Variants in ESRRB observed in about 807,000 individuals in gnomAD.
ESRRB encodes the protein steroid hormone receptor ERR2.
In ESRRB, 16 loss-of-function variants were observed where a neutral mutation model predicts 46.0. The observed-to-expected ratio is 0.35, with a 90% confidence interval of 0.24 to 0.53. The LOEUF (loss-of-function observed/expected upper bound fraction) is 0.53. Among genes scored for constraint, ESRRB ranks in the 20% least tolerant of loss-of-function variants. ESRRB has a pLI of 0.93. For synonymous variants in ESRRB, 246 were observed against 259.6 expected (o/e 0.95, Z 0.50); for missense variants, 488 against 607.4 (o/e 0.80, Z 2.07).
intron 1 of ESRRB, among the ~76,000 whole-genome samples, chr14:76,382,262 T>C (rs1420420410): frequency 6.6e-6 from 1 of 152,222 alleles, no homozygotes; most frequent in Non-Finnish European, 1.5e-5. Context: ...CTATACCCCT[T>C]GGCTGGGCTG....
chr14:76,486,217 A>G (rs959005120), intron 5 of ESRRB, among the ~76,000 whole-genome samples: 6 of 152,162 alleles, frequency 3.9e-5, no homozygotes. Context: ...AGCCTCCTCC[A>G]AATGACCCGA....
At chr14:76,457,403 C>T (rs1205003079) in intron 2 of ESRRB, among the ~76,000 whole-genome samples, 1 of 151,962 alleles carries the variant, frequency 6.6e-6, no homozygotes, top group African/African-American at 2.4e-5. Context: ...CCCAGGATGG[C>T]TTTGAATGCG....
chr14:76,489,303 A>G (rs992447389), intron 5 of ESRRB, among the ~76,000 whole-genome samples: 1 of 151,964 alleles, frequency 6.6e-6, no homozygotes, highest in Admixed American at 6.6e-5. Flanking sequence ...CTGTTAATTA[A>G]TGTTGCCCAA....
intron 2 of ESRRB, among the ~76,000 whole-genome samples, chr14:76,452,768 G>C (rs2032207063): frequency 6.6e-6 from 1 of 152,210 alleles, no homozygotes; most frequent in African/African-American, 2.4e-5. Flanking sequence ...AGGCCATTAG[G>C]GGGAAAACAT....
chr14:76,394,046 C>A (rs1885575719), intron 1 of ESRRB, among the ~76,000 whole-genome samples: 1 of 149,206 alleles, frequency 6.7e-6, no homozygotes, highest in South Asian at 2.1e-4. Flanking sequence ...GGTGATCTAC[C>A]CTCCTCAGCC....
At chr14:76,406,189 C>T (rs74948422) in intron 1 of ESRRB, among the ~76,000 whole-genome samples, 4,307 of 152,184 alleles carry the variant, frequency 0.028, 106 homozygotes, top group African/African-American at 0.065. Context: ...GCCCCTGCTC[C>T]GGCCCTAAGA....
Position 76,324,576 on chromosome 14 carries a change from G to A in ESRRB, c.2+13660G>A, listed in dbSNP as rs1294339237. On this transcript the variant is annotated intron_variant, in intron 1 of 6. Transcript: ENST00000512784. ...CTCTCTCCAGGTTGAGCCCATGGTA[G>A]AACTCATCAAAGAGAACCAGGACCC... is the stretch of plus-strand genomic sequence containing the variant. Among the ~76,000 whole-genome samples the A allele has an allele frequency of 9.2e-5, 14 of 152,218 alleles. 1 individual carries two copies. Among genetic ancestry groups the A allele is most frequent in the Admixed American group, 9.2e-4 (14 of 15,284 alleles).
At chr14:76,390,315 C>A (rs576208293) in intron 1 of ESRRB, among the ~76,000 whole-genome samples, 1 of 152,064 alleles carries the variant, frequency 6.6e-6, no homozygotes. Flanking sequence ...ATGGTGAAAC[C>A]CCATCTCTAT....
At chr14:76,344,472 C>A (rs532624973) in intron 1 of ESRRB, among the ~76,000 whole-genome samples, 6 of 152,166 alleles carry the variant, frequency 3.9e-5, no homozygotes, top group African/African-American at 1.4e-4. Context: ...ATTCTTATGC[C>A]TTTGCATCCT....
Position 76,439,336 on chromosome 14 carries a change from C to T in ESRRB, c.51-5C>T. ...TGGGGCTGACTTCCCGATTTGTGTC[C>T]ACAGGCTGCTGAACAGGATGTCCTC... On this transcript the variant is annotated splice_polypyrimidine_tract_variant and splice_region_variant and intron_variant, in intron 1 of 6. Transcript: ENST00000644823. 1 of 1,613,694 alleles carries T rather than the reference C, an allele frequency of 6.2e-7. No individual in the cohort carries two copies. Among genetic ancestry groups the T allele is most frequent in the Non-Finnish European group, 8.5e-7 (1 of 1,180,034 alleles).
chr14:76,350,456 C>T (rs530338169), intron 1 of ESRRB, among the ~76,000 whole-genome samples: 81 of 152,154 alleles, frequency 5.3e-4, no homozygotes, highest in Non-Finnish European at 9.3e-4. Flanking sequence ...GTTTGAGAAA[C>T]ACTTGCATGG....
chr14:76,363,537 A>G (rs577287019), intron 1 of ESRRB, among the ~76,000 whole-genome samples: 1 of 152,222 alleles, frequency 6.6e-6, no homozygotes, highest in East Asian at 1.9e-4. Flanking sequence ...CCAATGTTAT[A>G]TTCCTTTTCT....
In ESRRB at chr14:76,396,280, A is replaced by G. The variant is rs548016692; in HGVS notation, c.50+19829A>G. ...CAACATAGAGTTGAGTAAAAATAAA[A>G]ATCAAGTAGCTGGACAGTGGATAGA... On this transcript the variant is annotated intron_variant, in intron 1 of 6. Transcript: ENST00000644823. 4.1e-4 allele frequency among the ~76,000 whole-genome samples: 63 copies of G among 152,328 alleles called. 1 individual carries two copies. Among genetic ancestry groups the G allele is most frequent in the African/African-American group, 1.5e-3 (62 of 41,574 alleles).
At chr14:76,352,666 T>A (rs1306351187) in intron 1 of ESRRB, among the ~76,000 whole-genome samples, 1 of 152,224 alleles carries the variant, frequency 6.6e-6, no homozygotes, top group Non-Finnish European at 1.5e-5. Flanking sequence ...AATAATAACA[T>A]CTGGCTTTCT....
At chr14:76,461,478 C>CTTTTGTTTTGTTTTG (rs147348934) in intron 2 of ESRRB, among the ~76,000 whole-genome samples, 68 of 150,430 alleles carry the variant, frequency 4.5e-4, no homozygotes, top group East Asian at 4.4e-3. Flanking sequence ...GGTAGCCATT[C>CTTTTGTTTTGTTTTG]TTTTGTTTTG....
At chr14:76,439,817 C>T (rs2139934748) in intron 2 of ESRRB, 67 bp downstream of exon 2, 2 of 1,547,428 alleles carry the variant, frequency 1.3e-6, no homozygotes, top group Non-Finnish European at 1.8e-6. Context: ...GCGGGTCTGG[C>T]AGAAGCCCTA....
At chr14:76,419,374 G>A (rs1429503118) in intron 1 of ESRRB, among the ~76,000 whole-genome samples, 2 of 152,160 alleles carry the variant, frequency 1.3e-5, no homozygotes, top group African/African-American at 4.8e-5. Flanking sequence ...TGGGGGACAC[G>A]GTGCTGGGTT....
chr14:76,430,263 G>A (rs896076203), intron 1 of ESRRB, among the ~76,000 whole-genome samples: 5 of 152,180 alleles, frequency 3.3e-5, no homozygotes, highest in Admixed American at 2.0e-4. Flanking sequence ...CTGAGGATCT[G>A]CTTTAATGGA....
chr14:76,348,758 G>C (rs1884278899), intron 1 of ESRRB, among the ~76,000 whole-genome samples: 1 of 152,168 alleles, frequency 6.6e-6, no homozygotes, highest in South Asian at 2.1e-4. Flanking sequence ...GGTGATTGCG[G>C]GGTTTTGGGG....
Sources: allele counts gnomAD v4.1 joint callset (sites outside exome capture counted in the v4.1 genomes callset), GRCh38; gene constraint gnomAD v4.1.1; transcripts MANE v1.5; gene names NCBI Gene and HGNC (gene_info 2026-07-23, HGNC 2026-07-21).